Variants in ANO6 observed in about 807,000 individuals in gnomAD.
ANO6 encodes the protein anoctamin-6.
ANO6 carries 106 observed loss-of-function variants against 117.5 expected under a neutral mutation model. The observed-to-expected ratio is 0.90, with a 90% CI of 0.77 to 1.06. The LOEUF (loss-of-function observed/expected upper bound fraction) is 1.06. Ranked by LOEUF, ANO6 falls within the 50% of genes least tolerant of loss-of-function variation. The pLI is 0.00. For synonymous variants in ANO6, 367 were observed against 385.1 expected, an observed-to-expected ratio of 0.95 and a Z score of 0.55; for missense variants, 955 against 1,121.1, an observed-to-expected ratio of 0.85 and a Z score of 2.12.
intron 10 of ANO6, among the ~76,000 whole-genome samples, chr12:45,382,173 G>A (rs1371065370): frequency 6.6e-6 from 1 of 152,164 alleles, no homozygotes; most frequent in Non-Finnish European, 1.5e-5. Flanking sequence ...GGTTTTTACT[G>A]ACATAATTGC....
chr12:45,222,323 GC>G (rs1022919743), intron 1 of ANO6, among the ~76,000 whole-genome samples: 23 of 152,116 alleles, frequency 1.5e-4, no homozygotes, highest in African/African-American at 5.5e-4. Flanking sequence ...ACTGTGCCCG[GC>G]TAATTTTTGT....
At chr12:45,269,640 C>T (rs1012336369) in intron 1 of ANO6, among the ~76,000 whole-genome samples, 6 of 152,130 alleles carry the variant, frequency 3.9e-5, no homozygotes, top group African/African-American at 1.4e-4. Context: ...GTCAACCATG[C>T]AAATCAATTT....
chr12:45,260,996 T>C (rs1278358313), intron 1 of ANO6, among the ~76,000 whole-genome samples: 1 of 152,052 alleles, frequency 6.6e-6, no homozygotes, highest in Non-Finnish European at 1.5e-5. Flanking sequence ...TTTGTTTTTT[T>C]GGTAGAGATA....
At chr12:45,273,762 G>A (rs1938462634) in intron 1 of ANO6, among the ~76,000 whole-genome samples, 1 of 152,188 alleles carries the variant, frequency 6.6e-6, no homozygotes. Flanking sequence ...GATCTCTTCT[G>A]TTGCTTCCTG....
chr12:45,221,727 G>A (rs1257267105), intron 1 of ANO6, among the ~76,000 whole-genome samples: 1 of 151,952 alleles, frequency 6.6e-6, no homozygotes, highest in East Asian at 1.9e-4. Flanking sequence ...TGAAAGAGGC[G>A]CCATCTGTGG....
chr12:45,313,883 C>G (rs779465048), intron 2 of ANO6, among the ~76,000 whole-genome samples: 1 of 152,020 alleles, frequency 6.6e-6, no homozygotes, highest in Non-Finnish European at 1.5e-5. Flanking sequence ...ATTAGCTTCA[C>G]TAAATTTTGG....
chr12:45,253,371 T>G (rs1391788919), intron 1 of ANO6, among the ~76,000 whole-genome samples: 1 of 152,206 alleles, frequency 6.6e-6, no homozygotes, highest in Non-Finnish European at 1.5e-5. Flanking sequence ...TTCAGAATTC[T>G]TAAATGTATA....
At chr12:45,252,525 T>C (rs1937655333) in intron 1 of ANO6, among the ~76,000 whole-genome samples, 1 of 152,204 alleles carries the variant, frequency 6.6e-6, no homozygotes, top group African/African-American at 2.4e-5. Context: ...TATGAGCTGT[T>C]TGTAAGAAAT....
At chr12:45,254,173 A>G (rs1236250814) in intron 1 of ANO6, among the ~76,000 whole-genome samples, 1 of 152,220 alleles carries the variant, frequency 6.6e-6, no homozygotes, top group Non-Finnish European at 1.5e-5. Context: ...CTCAAAAAAA[A>G]AGTTCGCCAT....
chr12:45,387,620 A>G (rs945942812), intron 10 of ANO6, among the ~76,000 whole-genome samples: 1 of 152,180 alleles, frequency 6.6e-6, no homozygotes, highest in Admixed American at 6.5e-5. Flanking sequence ...TAAATTACCA[A>G]CATTTTTCTT....
At chr12:45,320,142 A>G (rs1316308980) in intron 2 of ANO6, among the ~76,000 whole-genome samples, 1 of 151,946 alleles carries the variant, frequency 6.6e-6, no homozygotes, top group East Asian at 1.9e-4. Flanking sequence ...GATCTTAGTT[A>G]TTTCTTGCCT....
chr12:45,285,868 G>C (rs1938898578), intron 1 of ANO6, among the ~76,000 whole-genome samples: 1 of 152,198 alleles, frequency 6.6e-6, no homozygotes, highest in Non-Finnish European at 1.5e-5. Context: ...ACAGGGCCAG[G>C]TGCTTCTTTC....
chr12:45,247,764 A>C (rs981101227), intron 1 of ANO6, among the ~76,000 whole-genome samples: 4 of 152,150 alleles, frequency 2.6e-5, no homozygotes, highest in Non-Finnish European at 5.9e-5. Context: ...CCTGTCTCTT[A>C]TGAGGGAACT....
At chr12:45,414,194 G>A (rs551830958) in intron 16 of ANO6, among the ~76,000 whole-genome samples, 2 of 151,940 alleles carry the variant, frequency 1.3e-5, no homozygotes, top group South Asian at 4.2e-4. Context: ...ACTGTAACAT[G>A]TAGAAGCAAG....
At chr12:45,350,248 G>A (rs528549114) in intron 6 of ANO6, among the ~76,000 whole-genome samples, 1 of 152,286 alleles carries the variant, frequency 6.6e-6, no homozygotes, top group South Asian at 2.1e-4. Flanking sequence ...TGACCCTGCT[G>A]CTAACCAGCC....
intron 15 of ANO6, among the ~76,000 whole-genome samples, chr12:45,404,818 G>T (rs1018606625): frequency 1.3e-5 from 2 of 151,826 alleles, no homozygotes; most frequent in African/African-American, 2.4e-5. Flanking sequence ...ACAGGCTCTC[G>T]CCTCCTGCCA....
rs1279776605 is a variant in ANO6 at position 45,395,306 on chromosome 12, C to T, written c.1386+4808C>T. On this transcript the variant is annotated intron_variant, in intron 12 of 19. Transcript: ENST00000320560. ...ACTAAACCAGGAAGAAGTTGAATCT[C>T]TGAATAGATCAATAACAGGCTCTGA... is the stretch of plus-strand genomic sequence containing the variant. 3.3e-5 allele frequency among the ~76,000 whole-genome samples: 5 copies of T among 152,188 alleles called. No homozygotes were observed. The East Asian group carries it at 9.6e-4, about 29-fold the overall frequency.
At chr12:45,361,388 G>A (rs1441946223) in intron 8 of ANO6, among the ~76,000 whole-genome samples, 1 of 152,084 alleles carries the variant, frequency 6.6e-6, no homozygotes, top group African/African-American at 2.4e-5. Context: ...TGATTTTTGT[G>A]TGTGTGCTGC....
At chr12:45,281,646 C>T (rs1938738602) in intron 1 of ANO6, among the ~76,000 whole-genome samples, 1 of 152,212 alleles carries the variant, frequency 6.6e-6, no homozygotes, top group East Asian at 1.9e-4. Context: ...CATCTACCCC[C>T]ATGGTCCATT....
Sources: allele counts gnomAD v4.1 joint callset (sites outside exome capture counted in the v4.1 genomes callset), GRCh38; gene constraint gnomAD v4.1.1; transcripts MANE v1.5; gene names NCBI Gene and HGNC (gene_info 2026-07-23, HGNC 2026-07-21).